Variants in MDGA1 observed in about 807,000 individuals in gnomAD.
The protein encoded by MDGA1 is MAM domain containing glycosylphosphatidylinositol anchor 1, also known as MAM domain-containing glycosylphosphatidylinositol anchor protein 1.
In MDGA1, 54 loss-of-function variants were observed where a neutral mutation model predicts 101.5. The ratio of observed to expected loss-of-function variants is 0.53; its 90% CI spans 0.43 to 0.67. MDGA1 has a LOEUF of 0.67. Among genes scored for constraint, MDGA1 ranks in the 30% least tolerant of loss-of-function variants. The pLI, the probability that MDGA1 is intolerant of heterozygous loss-of-function variation, is 0.00. For missense variants in MDGA1, 1,083 were observed against 1,323.8 expected, an observed-to-expected ratio of 0.82 and a Z score of 2.82; for synonymous variants, 533 against 558.3, an observed-to-expected ratio of 0.95 and a Z score of 0.64.
intron 11 of MDGA1, 102 bp from the exon 12 acceptor site, chr6:37,646,058 G>C: frequency 6.3e-7 from 1 of 1,585,088 alleles, no homozygotes. Context: ...AGCCAGGACT[G>C]GGGGCCAGCG....
intron 1 of MDGA1, among the ~76,000 whole-genome samples, chr6:37,682,502 C>A (rs1762117424): frequency 6.6e-6 from 1 of 152,104 alleles, no homozygotes; most frequent in Non-Finnish European, 1.5e-5. Flanking sequence ...AGCAAACAAA[C>A]AAACAAAAAA....
rs1386580155 is a variant in MDGA1, at chr6:37,636,710, T to G, written c.*658A>C. On this transcript the variant is annotated 3_prime_UTR_variant, in exon 17 of 17. Coordinates refer to ENST00000434837, the MANE Select transcript of MDGA1 (RefSeq NM_153487.4). ...GGAAATATGGTGTCCCAGAAATAGG[T>G]CAAGGAATCTGGGGTGACCTATGGT... The G allele has an allele frequency of 6.5e-6, 1 of 152,682 alleles. No individual in the cohort carries two copies. Among genetic ancestry groups the G allele is most frequent in the Non-Finnish European group, 1.5e-5 (1 of 68,104 alleles). 9.5% of individuals were successfully genotyped at this position (152,682 alleles called of 1,614,324 possible). A position where few individuals can be genotyped will look rare whatever the true frequency, so the allele number is the denominator to read the frequency against.
intron 14 of MDGA1, chr6:37,639,062 T>C (rs548298673): frequency 9.6e-6 from 2 of 208,014 alleles, no homozygotes; most frequent in South Asian, 9.4e-5. Flanking sequence ...AGTGTGTCCC[T>C]GTTGGCAGTA....
chr6:37,696,862 C>A lies in MDGA1; in HGVS notation c.-51G>T. 2 of 1,507,718 alleles carry A rather than the reference C, an allele frequency of 1.3e-6. No individual in the cohort carries two copies. The highest frequency in any genetic ancestry group is 9.0e-7 in the Non-Finnish European group (1 of 1,108,556). The allele number at this position is 1,507,718 out of a possible 1,614,324, so 93.4% of individuals were successfully genotyped here. ...CGAGGCGGCGCAGCCCGAGAGGCGG[C>A]GGGGGGCGCATTCGCCGGGGCCCCG... On this transcript the variant is annotated 5_prime_UTR_variant, in exon 1 of 17. Transcript: ENST00000434837. This position sits in a 1 kb window ranked among gnomAD's most constrained non-coding sequence, Gnocchi z 5.6.
chr6:37,645,570 C>T (rs992457919), intron 12 of MDGA1, among the ~76,000 whole-genome samples: 3 of 152,104 alleles, frequency 2.0e-5, no homozygotes, highest in African/African-American at 7.2e-5. Flanking sequence ...GTATGCCTTT[C>T]CATGTTCATA....
chr6:37,667,248 CA>C (rs1561854645), intron 1 of MDGA1, among the ~76,000 whole-genome samples: 2 of 152,296 alleles, frequency 1.3e-5, no homozygotes, highest in African/African-American at 4.8e-5. Context: ...TAGCTGCTAC[CA>C]ACCCAGAGTC....
intron 12 of MDGA1, among the ~76,000 whole-genome samples, chr6:37,644,952 A>C (rs567012771): frequency 7.2e-5 from 11 of 152,402 alleles, no homozygotes; most frequent in Middle Eastern, 6.8e-3. Context: ...TTATATCGAA[A>C]TACAGTTGTC....
At chr6:37,681,562 A>G (rs1762097752) in intron 1 of MDGA1, among the ~76,000 whole-genome samples, 2 of 152,212 alleles carry the variant, frequency 1.3e-5, no homozygotes, top group Admixed American at 6.5e-5. Flanking sequence ...GCACATACAT[A>G]TTATCGTGTG....
chr6:37,681,054 G>T (rs990768338), intron 1 of MDGA1, among the ~76,000 whole-genome samples: 20 of 152,168 alleles, frequency 1.3e-4, no homozygotes, highest in African/African-American at 4.6e-4. Context: ...GGCATGGGGG[G>T]TTAAGGGGGA....
rs937206430 is a variant in MDGA1 at position 37,651,074 on chromosome 6, G to A, written c.1313-669C>T. Among the ~76,000 whole-genome samples the A allele has an allele frequency of 2.0e-5, 3 of 152,258 alleles. No homozygotes were observed. The East Asian group carries it at 5.8e-4, about 29-fold the overall frequency. ...CAACGTGGCACATGCTAAGGATGAT[G>A]GAAGAGCAAGCCAGGTGGAGCCTGG... is the stretch of plus-strand genomic sequence containing the variant. On this transcript the variant is annotated intron_variant, in intron 7 of 16. Coordinates refer to ENST00000434837, the MANE Select transcript of MDGA1 (RefSeq NM_153487.4).
At chr6:37,673,012 C>T (rs1197928629) in intron 1 of MDGA1, among the ~76,000 whole-genome samples, 2 of 150,784 alleles carry the variant, frequency 1.3e-5, no homozygotes, top group Non-Finnish European at 2.9e-5. Context: ...ACTCTGCCAG[C>T]AATATATTCA....
At chr6:37,649,821 G>A in intron 8 of MDGA1, 1 of 636,876 alleles carries the variant, frequency 1.6e-6, no homozygotes. Context: ...TCCCTTGAGT[G>A]TCCTTCCTCC....
intron 14 of MDGA1, chr6:37,639,148 G>C (rs1204102531): frequency 6.0e-6 from 1 of 165,844 alleles, no homozygotes; most frequent in Non-Finnish European, 1.3e-5. Flanking sequence ...GTTGGGTCCA[G>C]TAAGGCCCAG....
intron 1 of MDGA1, among the ~76,000 whole-genome samples, chr6:37,668,129 C>T (rs868343683): frequency 2.6e-5 from 4 of 151,872 alleles, no homozygotes; most frequent in Admixed American, 6.6e-5. Context: ...TGTGTGCCTG[C>T]AGTCCCAGCT....
chr6:37,665,282 A>G (rs1268020946), intron 1 of MDGA1, among the ~76,000 whole-genome samples: 1 of 152,106 alleles, frequency 6.6e-6, no homozygotes, highest in African/African-American at 2.4e-5. Context: ...GACGGGAGAG[A>G]GTGAAGGTAG....
chr6:37,650,356 G>A lies in MDGA1; in HGVS notation c.1362C>T (p.Arg454=), dbSNP rs371324625. The A allele has an allele frequency of 2.3e-4, 362 of 1,576,018 alleles. 1 individual carries two copies. Among genetic ancestry groups the A allele is most frequent in the Non-Finnish European group, 3.0e-4 (345 of 1,162,562 alleles). The change falls in exon 8 of 17, where the codon CGC becomes CGT. Residue 454 remains arginine, a synonymous_variant. Transcript: ENST00000434837. ...VPKGRAVVTV[R]EGSPAELQCE... ...ATTGCAGCTCGGCAGGCGATCCCTC[G>A]CGCACGGTCACCACGGCCCTACCCT...
chr6:37,685,074 G>A (rs1762171150), intron 1 of MDGA1, among the ~76,000 whole-genome samples: 1 of 152,122 alleles, frequency 6.6e-6, no homozygotes, highest in African/African-American at 2.4e-5. Context: ...GGCCGAGGCG[G>A]GCAGATTGCT....
Position 37,646,275 on chromosome 6 carries a change from C to T in MDGA1, c.2147G>A (p.Ser716Asn), listed in dbSNP as rs1472078202. Residue 716 changes from serine to asparagine, a missense_variant, in exon 11 of 17, where the codon AGC (serine) becomes AAC (asparagine). Coordinates refer to ENST00000434837, the MANE Select transcript of MDGA1 (RefSeq NM_153487.4). ...YILTDLRVPH[S>N]YEVRLTPYTT... is the part of the protein sequence containing the mutation. Reference sequence around the variant, plus strand: ...ATAGGGTGTGAGGCGGACCTCATAGCTGTGGGGCACACGGAGATCGGTCAG... The same window carrying T: ...ATAGGGTGTGAGGCGGACCTCATAGTTGTGGGGCACACGGAGATCGGTCAG... 1.2e-6 allele frequency: 2 copies of T among 1,605,810 alleles called. No homozygotes were observed. The highest frequency in any genetic ancestry group is 1.1e-5 in the South Asian group (1 of 89,358).
chr6:37,648,935 G>A, intron 9 of MDGA1, 47 bp downstream of exon 9: 1 of 1,533,074 alleles, frequency 6.5e-7, no homozygotes, highest in South Asian at 1.2e-5. Context: ...GCAGAGCCTG[G>A]CCCCTGGTGG....
Sources: gnomAD v4.1 joint callset for allele counts (sites outside exome capture counted in the v4.1 genomes callset) on GRCh38, gnomAD v4.1.1 for gene constraint, Gnocchi (gnomAD v3.1) non-coding constraint, MANE v1.5 for transcripts, NCBI Gene and HGNC (gene_info 2026-07-23, HGNC 2026-07-21) for gene names.